The following PARN variants were observed in gnomAD, a reference collection of about 807,000 sequenced individuals.
PARN encodes the protein poly(A)-specific ribonuclease.
In PARN, 71 loss-of-function variants were observed where a neutral mutation model predicts 102.8. The observed-to-expected ratio is 0.69, with a 90% CI of 0.57 to 0.84. PARN has a LOEUF of 0.84. Ranked by LOEUF, PARN falls within the 40% of genes least tolerant of loss-of-function variation. The pLI is 0.00. For missense variants in PARN, 782 were observed against 760.9 expected, an observed-to-expected ratio of 1.03 and a Z score of -0.33; for synonymous variants, 261 against 252.9, an observed-to-expected ratio of 1.03 and a Z score of -0.30.
In PARN at chr16:14,607,375, A is replaced by T. The variant is rs1159805939; in HGVS notation, c.660-849T>A. Among the ~76,000 whole-genome samples the T allele has an allele frequency of 4.0e-5, 6 of 151,522 alleles. No individual in the cohort carries two copies. In the East Asian group the frequency reaches 6.0e-4, roughly 15 times the overall value. Reference sequence around the variant, plus strand: ...GGCATGTGCCACCATGTCCGGCTAAATTTTGTATTTGTAGTAGAGACGGGG... The same window carrying T: ...GGCATGTGCCACCATGTCCGGCTAATTTTTGTATTTGTAGTAGAGACGGGG... On this transcript the variant is annotated intron_variant, in intron 9 of 23. Coordinates refer to ENST00000437198, the MANE Select transcript of PARN (RefSeq NM_002582.4).
chr16:14,460,175 C>T (rs1395389774), intron 22 of PARN, among the ~76,000 whole-genome samples: 1 of 152,144 alleles, frequency 6.6e-6, no homozygotes, highest in Admixed American at 6.6e-5. Context: ...ACCTCAACAT[C>T]CTACACAGAA....
At chr16:14,442,788 A>C (rs1176275627) in intron 23 of PARN, among the ~76,000 whole-genome samples, 1 of 152,158 alleles carries the variant, frequency 6.6e-6, no homozygotes, top group African/African-American at 2.4e-5. Context: ...TTGTATTTTT[A>C]GTAGAGACAG....
chr16:14,489,429 G>C (rs1963937153), intron 21 of PARN, among the ~76,000 whole-genome samples: 1 of 119,808 alleles, frequency 8.3e-6, no homozygotes, highest in Non-Finnish European at 1.6e-5. Context: ...TGGCGACAGA[G>C]AGAGACTCAA....
At chr16:14,552,201 G>A (rs1967349799) in intron 20 of PARN, 106 bp from the exon 21 acceptor site, 3 of 693,916 alleles carry the variant, frequency 4.3e-6, no homozygotes, top group Non-Finnish European at 7.5e-6. Context: ...TTTAAAGAGA[G>A]AGAAGGTGCT....
Position 14,610,662 on chromosome 16 carries a change from T to C in PARN, c.536A>G (p.Lys179Arg). The C allele has an allele frequency of 6.2e-7, 1 of 1,609,812 alleles. No homozygotes were observed. The highest frequency in any genetic ancestry group is 8.5e-7 in the Non-Finnish European group (1 of 1,176,190). Residue 179 changes from lysine to arginine, a missense_variant, in exon 7 of 24, where the codon AAG (lysine) becomes AGG (arginine). Coordinates refer to ENST00000437198, the MANE Select transcript of PARN (RefSeq NM_002582.4). ...CPVTIPEDQKKFIDQVVEKIE... is the reference protein window; with the variant it reads ...CPVTIPEDQKRFIDQVVEKIE... ...AACTTACACCACTTGGTCAATAAAC[T>C]TCTTTTGATCCTCAGGAATCGTGAC...
intron 21 of PARN, among the ~76,000 whole-genome samples, chr16:14,517,821 G>C (rs1965531874): frequency 6.6e-6 from 1 of 152,076 alleles, no homozygotes; most frequent in African/African-American, 2.4e-5. Flanking sequence ...TGGGATTACA[G>C]GTGTGCGCCA....
At chr16:14,441,312 A>G (rs1201332153) in intron 23 of PARN, among the ~76,000 whole-genome samples, 1 of 152,228 alleles carries the variant, frequency 6.6e-6, no homozygotes, top group Non-Finnish European at 1.5e-5. Context: ...AAAAATTAAA[A>G]GACGGGGAAC....
intron 21 of PARN, among the ~76,000 whole-genome samples, chr16:14,537,520 A>G (rs1365512642): frequency 6.6e-6 from 1 of 152,218 alleles, no homozygotes; most frequent in African/African-American, 2.4e-5. Context: ...TAGCTAAGAT[A>G]AGGAATCAAC....
rs901755085 is a variant in PARN at position 14,462,704 on chromosome 16, G to A, written c.1671-15623C>T. The stretch of plus-strand genomic sequence containing the variant: ...AAAGAGGCTCTATAAAAAGGATCTT[G>A]AATAAAACTGACATTAGATTTCTGG... On this transcript the variant is annotated intron_variant, in intron 22 of 23. Coordinates refer to ENST00000437198, the MANE Select transcript of PARN (RefSeq NM_002582.4). Among the ~76,000 whole-genome samples, 3 of 152,266 alleles carry A rather than the reference G, an allele frequency of 2.0e-5. No individual in the cohort carries two copies. In the East Asian group the frequency reaches 5.8e-4, roughly 29 times the overall value.
intron 18 of PARN, among the ~76,000 whole-genome samples, chr16:14,557,647 G>GA (rs559691635): frequency 6.6e-4 from 100 of 151,382 alleles, no homozygotes; most frequent in African/African-American, 2.2e-3. Flanking sequence ...GTTAATGTCA[G>GA]AAAAAACGAA....
chr16:14,605,590 T>C (rs767877228), intron 10 of PARN, among the ~76,000 whole-genome samples: 2 of 152,174 alleles, frequency 1.3e-5, no homozygotes, highest in Non-Finnish European at 2.9e-5. Flanking sequence ...AGATAACTAG[T>C]ACTTTCTTTC....
chr16:14,627,085 A>T, intron 5 of PARN, 21 bp downstream of exon 5: 1 of 1,427,758 alleles, frequency 7.0e-7, no homozygotes, highest in East Asian at 2.3e-5. Flanking sequence ...AGAAAAGAAA[A>T]ATCTCAATTA....
intron 8 of PARN, 81 bp downstream of exon 8, chr16:14,608,977 T>G: frequency 1.4e-6 from 1 of 728,568 alleles, no homozygotes; most frequent in East Asian, 2.7e-5. Context: ...AAGCTGTTTT[T>G]AAAAGACTAG....
At chr16:14,549,604 T>C (rs1967170857) in intron 21 of PARN, among the ~76,000 whole-genome samples, 2 of 152,314 alleles carry the variant, frequency 1.3e-5, no homozygotes, top group South Asian at 2.1e-4. Context: ...GATATGGTGG[T>C]ATAACAGGAA....
At chr16:14,619,401 T>C (rs764428587) in intron 5 of PARN, among the ~76,000 whole-genome samples, 12 of 150,904 alleles carry the variant, frequency 8.0e-5, no homozygotes, top group Non-Finnish European at 1.3e-4. Flanking sequence ...GGAGTTTGTG[T>C]GACCAGCCTG....
At chr16:14,454,085 C>G (rs1386446362) in intron 22 of PARN, among the ~76,000 whole-genome samples, 1 of 152,086 alleles carries the variant, frequency 6.6e-6, no homozygotes, top group African/African-American at 2.4e-5. Flanking sequence ...TTTCAAAAAA[C>G]TGGGTTGTTT....
chr16:14,623,091 C>T (rs1972420791), intron 5 of PARN, among the ~76,000 whole-genome samples: 1 of 148,196 alleles, frequency 6.7e-6, no homozygotes, highest in African/African-American at 2.5e-5. Context: ...GTGACAGAGA[C>T]TCTGTCTCCA....
rs547759650 is a variant in PARN at position 14,573,821 on chromosome 16, T to C, written c.1262+7053A>G. 1.2e-4 allele frequency among the ~76,000 whole-genome samples: 19 copies of C among 152,330 alleles called. No homozygotes were observed. The South Asian group carries it at 3.3e-3, about 27-fold the overall frequency. On this transcript the variant is annotated intron_variant, in intron 18 of 23. Transcript: ENST00000437198. Reference sequence around the variant, plus strand: ...GAGATGTGCCTTTTACCTTCTATCATGATTGTGAGGCCTCCCCAGCCACAT... The same window carrying C: ...GAGATGTGCCTTTTACCTTCTATCACGATTGTGAGGCCTCCCCAGCCACAT...
At chr16:14,497,190 C>G (rs1485523520) in intron 21 of PARN, among the ~76,000 whole-genome samples, 2 of 152,172 alleles carry the variant, frequency 1.3e-5, no homozygotes, top group Non-Finnish European at 1.5e-5. Flanking sequence ...TGGTATCTAC[C>G]AGCATTGATT....
Sources: gnomAD v4.1 joint callset for allele counts (sites outside exome capture counted in the v4.1 genomes callset) on GRCh38, gnomAD v4.1.1 for gene constraint, MANE v1.5 for transcripts, NCBI Gene and HGNC (gene_info 2026-07-23, HGNC 2026-07-21) for gene names.